The following EPG5 variants were observed in gnomAD, a reference collection of about 807,000 sequenced individuals.
The protein encoded by EPG5 is ectopic P-granules 5 autophagy tethering factor, also known as ectopic P granules protein 5 homolog.
A neutral mutation model predicts 302.7 loss-of-function variants in EPG5; 159 were observed. The ratio of observed to expected loss-of-function variants is 0.53; its 90% CI spans 0.46 to 0.60. The LOEUF (loss-of-function observed/expected upper bound fraction) is 0.60, where lower values mean the gene tolerates loss of function less well. Among genes scored for constraint, EPG5 ranks in the 20% least tolerant of loss-of-function variants. The probability of loss-of-function intolerance (pLI) is 0.00; values close to 1 mark genes in which losing one functional copy is unlikely to be tolerated. For synonymous variants in EPG5, 1,158 were observed against 1,136.8 expected, an observed-to-expected ratio of 1.02 and a Z score of -0.37; for missense variants, 2,896 against 3,092.4, an observed-to-expected ratio of 0.94 and a Z score of 1.51.
intron 9 of EPG5, among the ~76,000 whole-genome samples, chr18:45,940,690 T>C (rs1247309789): frequency 6.6e-6 from 1 of 152,226 alleles, no homozygotes; most frequent in East Asian, 1.9e-4. Flanking sequence ...TTCCCTATGT[T>C]AGTGGCATAT....
the EPG5 span, among the ~76,000 whole-genome samples, chr18:45,804,584 G>C: frequency 4.6e-5 from 7 of 152,140 alleles, no homozygotes; most frequent in African/African-American, 1.7e-4. Context: ...TATATCAGAA[G>C]CAATGGAGGC....
At position 45,852,501 on chromosome 18, in the gene EPG5, TACAG is replaced by T. The variant is rs1568088535; in HGVS notation, c.7702_7705del (p.Leu2568IlefsTer13). On this transcript the variant is annotated frameshift_variant, in exon 44 of 44. Coordinates refer to ENST00000282041, the MANE Select transcript of EPG5 (RefSeq NM_020964.3). LOFTEE classifies it high-confidence loss of function. ...GTGGTCCAAATAATGCACTTCTGGA[TACAG>T]ACAGTTAACGAGAAGAGCCAAGAAG... 6.2e-7 allele frequency: 1 copy of T among 1,614,242 alleles called. No individual in the cohort carries two copies.
At chr18:45,842,151 C>G in the EPG5 span, 7 of 1,614,044 alleles carry the variant, frequency 4.3e-6, no homozygotes, top group African/African-American at 9.3e-5. Context: ...GCCAGATGAA[C>G]CCCCGGAGCC....
chr18:45,887,153 T>C (rs1227525618), intron 29 of EPG5, among the ~76,000 whole-genome samples: 2 of 152,236 alleles, frequency 1.3e-5, no homozygotes, highest in Non-Finnish European at 2.9e-5. Context: ...AAACATTTCA[T>C]AAATCTGTAT....
Position 45,865,762 on chromosome 18 carries a change from G to GA in EPG5, c.6622-4dup. 1 of 1,448,996 alleles carries GA rather than the reference G, an allele frequency of 6.9e-7. No individual in the cohort carries two copies. The highest frequency in any genetic ancestry group is 9.0e-7 in the Non-Finnish European group (1 of 1,107,122). The allele number at this position is 1,448,996 out of a possible 1,614,324, so 89.8% of individuals were successfully genotyped here. A position where few individuals can be genotyped will look rare whatever the true frequency, so the allele number is the denominator to read the frequency against. ...GCTTGGCATTTTGGAACTGCATCCT[G>GA]ACCAAAAAAAAAAAAAAAAATCATT... On this transcript the variant is annotated splice_region_variant and splice_polypyrimidine_tract_variant and intron_variant, in intron 38 of 43. Transcript: ENST00000282041.
At chr18:45,941,786 A>G (rs2050672315) in intron 9 of EPG5, among the ~76,000 whole-genome samples, 1 of 152,250 alleles carries the variant, frequency 6.6e-6, no homozygotes, top group Admixed American at 6.5e-5. Context: ...AAAAATCAGA[A>G]AAAGAACGTC....
the EPG5 span, among the ~76,000 whole-genome samples, chr18:45,830,297 A>G: frequency 6.6e-6 from 1 of 152,148 alleles, no homozygotes; most frequent in African/African-American, 2.4e-5. Context: ...GTCTCCCTGG[A>G]GCTCTCTGCC....
intron 13 of EPG5, among the ~76,000 whole-genome samples, chr18:45,926,411 A>G (rs1308099068): frequency 6.6e-6 from 1 of 152,220 alleles, no homozygotes; most frequent in Non-Finnish European, 1.5e-5. Context: ...AGGCCATTAT[A>G]CCATACTATT....
intron 43 of EPG5, 113 bp downstream of exon 43, chr18:45,855,460 T>C: frequency 2.9e-6 from 2 of 699,682 alleles, no homozygotes; most frequent in Non-Finnish European, 4.9e-6. Context: ...GGGAACACTG[T>C]GCTACCACCA....
Position 45,908,067 on chromosome 18 carries a change from T to C in EPG5, c.4220A>G (p.Tyr1407Cys). 2 of 1,535,390 alleles carry C rather than the reference T, an allele frequency of 1.3e-6. No homozygotes were observed. The highest frequency in any genetic ancestry group is 1.8e-6 in the Non-Finnish European group (2 of 1,127,146). Reference sequence around the variant, plus strand: ...ATTCTCATCTTCTAGCCATAATATATATACATTGAAGAGCCTAAAAGATAA... The same window carrying C: ...ATTCTCATCTTCTAGCCATAATATACATACATTGAAGAGCCTAAAAGATAA... ...HKELVRLFNV[Y>C]ILWLEDENFQ... Residue 1407 changes from tyrosine to cysteine, a missense_variant, in exon 24 of 44, where the codon TAT (tyrosine) becomes TGT (cysteine). By Grantham distance (194) the Tyr-to-Cys change is radical (BLOSUM62 -2). Coordinates refer to ENST00000282041, the MANE Select transcript of EPG5 (RefSeq NM_020964.3).
downstream of EPG5, chr18:45,843,789 G>A (rs771219205): frequency 6.6e-6 from 1 of 152,244 alleles, no homozygotes; most frequent in African/African-American, 2.4e-5. Flanking sequence ...TGAGGCAGAA[G>A]TATTGCTTGA....
chr18:45,811,996 A>G, the EPG5 span, among the ~76,000 whole-genome samples: 6 of 152,234 alleles, frequency 3.9e-5, no homozygotes, highest in Non-Finnish European at 5.9e-5. Flanking sequence ...TGCAGATGAC[A>G]TGATTGTATA....
chr18:45,940,657 T>A (rs2050645292), intron 9 of EPG5, among the ~76,000 whole-genome samples: 1 of 151,738 alleles, frequency 6.6e-6, no homozygotes, highest in South Asian at 2.1e-4. Context: ...ATTAATGATG[T>A]GATGCCATAA....
chr18:45,963,743 C>T (rs1283277286), intron 1 of EPG5, among the ~76,000 whole-genome samples: 2 of 152,208 alleles, frequency 1.3e-5, no homozygotes, highest in Non-Finnish European at 2.9e-5. Flanking sequence ...ATGCTTTGGA[C>T]TCTAGCCTCT....
At chr18:45,829,063 G>T in the EPG5 span, 1 of 985,316 alleles carries the variant, frequency 1.0e-6, no homozygotes, top group Non-Finnish European at 1.2e-6. Context: ...ATGGAGGCTG[G>T]GCAGGGGGTG....
the EPG5 span, among the ~76,000 whole-genome samples, chr18:45,807,569 C>T: frequency 6.6e-6 from 1 of 152,214 alleles, no homozygotes; most frequent in Non-Finnish European, 1.5e-5. Context: ...GTGCAGAAAA[C>T]TCCCAATACC....
chr18:45,943,197 T>C lies in EPG5; in HGVS notation c.1907A>G (p.Tyr636Cys), dbSNP rs2145906346. 1.9e-6 allele frequency: 3 copies of C among 1,614,162 alleles called. No homozygotes were observed. The highest frequency in any genetic ancestry group is 2.5e-6 in the Non-Finnish European group (3 of 1,180,024). Reference protein sequence around the residue: ...VGLETFNRARYRQFVKRIGYM... With the variant: ...VGLETFNRARCRQFVKRIGYM... ...ACCAATTCGCTTCACAAACTGCCTATAGCGTGCTCTATTAAAGGTTTCTAA... is the reference window on the plus strand; with the variant it reads ...ACCAATTCGCTTCACAAACTGCCTACAGCGTGCTCTATTAAAGGTTTCTAA... The change falls in exon 9 of 44, where the codon TAT becomes TGT. Residue 636 changes from tyrosine to cysteine, a missense_variant. Tyr to Cys is a radical substitution (Grantham distance 194). This residue lies in a region of EPG5 where 1,390 missense variants were observed against 1,430.0 expected (regional missense o/e 0.97). Transcript: ENST00000282041.
At chr18:45,902,876 G>A (rs1178999554) in intron 25 of EPG5, among the ~76,000 whole-genome samples, 1 of 152,196 alleles carries the variant, frequency 6.6e-6, no homozygotes, top group Non-Finnish European at 1.5e-5. Flanking sequence ...CTTACAAATT[G>A]GGTTTCTTAT....
At position 45,922,443 on chromosome 18, in the gene EPG5, T is replaced by C. The variant is rs375094086; in HGVS notation, c.2996A>G (p.Asp999Gly). 7 of 1,614,122 alleles carry C rather than the reference T, an allele frequency of 4.3e-6. No homozygotes were observed. The African/African-American group carries it at 6.7e-5, about 15-fold the overall frequency. The change falls in exon 16 of 44, where the codon GAC becomes GGC. Residue 999 changes from aspartate to glycine, a missense_variant. By Grantham distance (94) the Asp-to-Gly change is moderately conservative. Coordinates refer to ENST00000282041, the MANE Select transcript of EPG5 (RefSeq NM_020964.3). ...ATGAAACGTGGGTGACTCTGTCATG[T>C]CAGGCACAGTGACGGAGAAGGGAAC... Reference protein sequence around the residue: ...PAVPFSVTVPDMTESPTFHPL... With the variant: ...PAVPFSVTVPGMTESPTFHPL...
Sources: allele counts gnomAD v4.1 joint callset (sites outside exome capture counted in the v4.1 genomes callset), GRCh38; gene constraint gnomAD v4.1.1; regional missense constraint gnomAD v4.1.1; transcripts MANE v1.5; gene names NCBI Gene and HGNC (gene_info 2026-07-23, HGNC 2026-07-21).